Variants in FLACC1 observed in about 807,000 individuals in gnomAD.
FLACC1 encodes flagellum-associated coiled-coil domain-containing protein 1.
FLACC1 carries 66 observed loss-of-function variants against 62.8 expected under a neutral mutation model. That is an observed-to-expected ratio of 1.05 (90% confidence interval 0.86 to 1.29). The LOEUF is 1.29. Ranked by LOEUF, FLACC1 falls within the 50% of genes most tolerant of loss-of-function variation. The pLI is 0.00. For synonymous variants in FLACC1, 156 were observed against 161.0 expected (o/e 0.97, Z 0.24); for missense variants, 452 against 489.1 (o/e 0.92, Z 0.71).
rs775877050 is a variant in FLACC1, at chr2:201,288,815, A to G, written c.1143-34T>C. 73 of 1,607,346 alleles carry G rather than the reference A, an allele frequency of 4.5e-5. No individual in the cohort carries two copies. The East Asian group carries it at 1.5e-3, about 34-fold the overall frequency. The stretch of plus-strand genomic sequence containing the variant: ...AGAAAGGAAAGATGTATCAATGTCA[A>G]CTCAAAAGCTAGAAAGGGTATAGGA... On this transcript the variant is annotated intron_variant, in intron 14 of 14. Transcript: ENST00000392257.
intron 14 of FLACC1, 23 bp downstream of exon 14, chr2:201,289,434 G>C (rs369036389): frequency 5.2e-5 from 84 of 1,605,726 alleles, no homozygotes; most frequent in Non-Finnish European, 6.7e-5. Flanking sequence ...ACTCAGCTAT[G>C]TCTTTTTCAG....
In FLACC1 at chr2:201,330,473, A is replaced by G. The variant is rs752509065; in HGVS notation, c.672T>C (p.Tyr224=). 3.1e-6 allele frequency: 5 copies of G among 1,613,594 alleles called. No homozygotes were observed. The highest frequency in any genetic ancestry group is 1.7e-4 in the Middle Eastern group (1 of 6,060). ...AACAGGGAGCTGTGTATCTCACCTG[A>G]TACGTACGAAACATATTCTTCAAAT... is the stretch of plus-strand genomic sequence containing the variant. ...YKYLKNMFRT[Y]QDSIYDEMEE... The change falls in exon 9 of 15, where the codon TAT becomes TAC. Residue 224 remains tyrosine, a synonymous_variant. Transcript: ENST00000392257.
chr2:201,299,171 ACAGCTTGTTATTT>A, intron 12 of FLACC1, 54 bp downstream of exon 12: 1 of 1,416,700 alleles, frequency 7.1e-7, no homozygotes, highest in Non-Finnish European at 9.9e-7. Context: ...CATTATACTG[ACAGCTTGTTATTT>A]TATTGGTGTA....
chr2:201,305,910 A>C (rs1950093343), intron 11 of FLACC1, among the ~76,000 whole-genome samples: 2 of 146,116 alleles, frequency 1.4e-5, no homozygotes, highest in African/African-American at 2.5e-5. Flanking sequence ...CAGGTTGGGG[A>C]ACACCACACA....
chr2:201,341,403 A>G (rs995693195), intron 7 of FLACC1, among the ~76,000 whole-genome samples: 2 of 149,198 alleles, frequency 1.3e-5, no homozygotes, highest in Non-Finnish European at 3.0e-5. Context: ...ATATATATAT[A>G]TATATATAAA....
At position 201,288,667 on chromosome 2, in the gene FLACC1, T is replaced by A. The variant is rs1265045348; in HGVS notation, c.1257A>T (p.Gly419=). 1 of 1,613,958 alleles carries A rather than the reference T, an allele frequency of 6.2e-7. No homozygotes were observed. The highest frequency in any genetic ancestry group is 1.7e-5 in the Admixed American group (1 of 60,010). The change falls in exon 15 of 15, where the codon GGA becomes GGT. Residue 419 remains glycine, a synonymous_variant. Coordinates refer to ENST00000392257, the MANE Select transcript of FLACC1 (RefSeq NM_001127391.3). The stretch of plus-strand genomic sequence containing the variant: ...AGCAACTTTTTGTTTATGATTCTTG[T>A]CCTTTCTTGCTACCATCTTGCACAG... The part of the protein sequence containing the change: ...SDTVQDGSKK[G]QES
At chr2:201,290,743 C>T (rs144786909) in intron 12 of FLACC1, among the ~76,000 whole-genome samples, 148 of 152,234 alleles carry the variant, frequency 9.7e-4, no homozygotes, top group African/African-American at 3.3e-3. Flanking sequence ...TCACATCATC[C>T]GGGAAGTGCA....
intron 11 of FLACC1, among the ~76,000 whole-genome samples, chr2:201,303,144 G>A (rs1456959407): frequency 1.3e-5 from 2 of 151,806 alleles, no homozygotes; most frequent in Non-Finnish European, 2.9e-5. Flanking sequence ...TCCAGGAGCT[G>A]GTTTTTTGAA....
Position 201,345,450 on chromosome 2 carries a change from TTGTGTGTGTG to T in FLACC1, c.368+1082_368+1091del, listed in dbSNP as rs56229607. Among the ~76,000 whole-genome samples the T allele has an allele frequency of 5.0e-3, 717 of 144,188 alleles. 1 individual carries two copies. The highest frequency in any genetic ancestry group is 0.014 in the African/African-American group (547 of 39,302). The allele number at this position is 144,188 out of a possible 152,430, so 94.6% of individuals were successfully genotyped here. ...AATACACTAGCAGATAGGTAGATGA[TTGTGTGTGTG>T]TGTGTGTGTGTGTGTGTGTGTGTGT... On this transcript the variant is annotated intron_variant, in intron 5 of 14. Coordinates refer to ENST00000392257, the MANE Select transcript of FLACC1 (RefSeq NM_001127391.3).
intron 11 of FLACC1, among the ~76,000 whole-genome samples, chr2:201,305,278 T>G (rs1950078942): frequency 6.6e-6 from 1 of 152,160 alleles, no homozygotes; most frequent in Non-Finnish European, 1.5e-5. Context: ...GCGAAGGATA[T>G]GAACAGACAC....
chr2:201,350,901 G>C, intron 2 of FLACC1, 119 bp from the exon 3 acceptor site: 3 of 810,626 alleles, frequency 3.7e-6, no homozygotes, highest in Non-Finnish European at 5.9e-6. Context: ...TGATCTGATA[G>C]CTGGAATCTT....
chr2:201,312,058 T>C (rs1165357696), intron 9 of FLACC1, among the ~76,000 whole-genome samples: 1 of 152,100 alleles, frequency 6.6e-6, no homozygotes, highest in Non-Finnish European at 1.5e-5. Flanking sequence ...TTATTCAACA[T>C]AGCACTGGAA....
chr2:201,315,994 C>T (rs1252992250), intron 9 of FLACC1, among the ~76,000 whole-genome samples: 1 of 152,024 alleles, frequency 6.6e-6, no homozygotes, highest in South Asian at 2.1e-4. Context: ...TAAAAAAATT[C>T]TTCAAACTGA....
intron 10 of FLACC1, among the ~76,000 whole-genome samples, 177 bp from the exon 11 acceptor site, chr2:201,307,799 C>A (rs754271052): frequency 6.6e-6 from 1 of 152,176 alleles, no homozygotes; most frequent in East Asian, 1.9e-4. Flanking sequence ...GAGGTGAGCA[C>A]GGTGGTTGTC....
intron 1 of FLACC1, among the ~76,000 whole-genome samples, chr2:201,352,689 C>CAGCT (rs1951050129): frequency 1.3e-5 from 2 of 152,160 alleles, no homozygotes; most frequent in Admixed American, 1.3e-4. Context: ...TATTGACAGG[C>CAGCT]AGCTGGTAGA....
intron 7 of FLACC1, among the ~76,000 whole-genome samples, chr2:201,334,140 G>C (rs1950648142): frequency 6.6e-6 from 1 of 151,632 alleles, no homozygotes; most frequent in African/African-American, 2.4e-5. Flanking sequence ...TTGTGGTTTT[G>C]ATTTGCATTT....
intron 9 of FLACC1, among the ~76,000 whole-genome samples, chr2:201,315,991 A>G (rs1473823309): frequency 6.6e-6 from 1 of 152,196 alleles, no homozygotes; most frequent in Non-Finnish European, 1.5e-5. Context: ...ATTTAAAAAA[A>G]TTCTTCAAAC....
At chr2:201,292,848 C>CA (rs527486175) in intron 12 of FLACC1, among the ~76,000 whole-genome samples, 48 of 151,588 alleles carry the variant, frequency 3.2e-4, no homozygotes, top group African/African-American at 1.1e-3. Context: ...AAATGGAAAA[C>CA]AAAAAAAGGC....
intron 9 of FLACC1, among the ~76,000 whole-genome samples, chr2:201,320,828 C>T (rs1034858804): frequency 6.6e-6 from 1 of 152,208 alleles, no homozygotes; most frequent in African/African-American, 2.4e-5. Context: ...ACCAGAGTAA[C>T]CCCTCTGGAC....
Sources: gnomAD v4.1 joint callset for allele counts (sites outside exome capture counted in the v4.1 genomes callset) on GRCh38, gnomAD v4.1.1 for gene constraint, MANE v1.5 for transcripts, NCBI Gene and HGNC (gene_info 2026-07-23, HGNC 2026-07-21) for gene names.